The following RALGAPA2 variants were observed in gnomAD, a reference collection of about 807,000 sequenced individuals.
RALGAPA2 encodes the protein ral GTPase-activating protein subunit alpha-2.
A neutral mutation model predicts 230.4 loss-of-function variants in RALGAPA2; 139 were observed. The ratio of observed to expected loss-of-function variants is 0.60; its 90% CI spans 0.53 to 0.69. The LOEUF (loss-of-function observed/expected upper bound fraction) is 0.69, where lower values mean the gene tolerates loss of function less well. Ranked by LOEUF, RALGAPA2 falls within the 30% of genes least tolerant of loss-of-function variation. RALGAPA2 has a pLI of 0.00. For synonymous variants in RALGAPA2, 847 were observed against 837.8 expected (o/e 1.01, Z -0.19); for missense variants, 2,163 against 2,276.0 (o/e 0.95, Z 1.01).
intron 3 of RALGAPA2, among the ~76,000 whole-genome samples, chr20:20,670,760 C>T (rs1315024699): frequency 4.0e-5 from 6 of 151,748 alleles, no homozygotes; most frequent in Non-Finnish European, 7.4e-5. Context: ...CCAGCCTGGC[C>T]AACATGGTGA....
intron 3 of RALGAPA2, among the ~76,000 whole-genome samples, chr20:20,658,884 A>G (rs1001076091): frequency 1.3e-5 from 2 of 152,358 alleles, no homozygotes; most frequent in Non-Finnish European, 2.9e-5. Context: ...CTTGATTTCA[A>G]TTCCACTTAG....
intron 16 of RALGAPA2, among the ~76,000 whole-genome samples, chr20:20,592,563 T>A (rs1032261768): frequency 6.6e-6 from 1 of 152,170 alleles, no homozygotes; most frequent in Non-Finnish European, 1.5e-5. Context: ...TCATGAAACT[T>A]TACATCCACA....
chr20:20,561,146 C>T (rs2064245314), intron 23 of RALGAPA2, among the ~76,000 whole-genome samples: 1 of 152,204 alleles, frequency 6.6e-6, no homozygotes, highest in South Asian at 2.1e-4. Context: ...GGCTTACAAA[C>T]ACAGAACCTA....
chr20:20,628,833 T>A (rs1456659927), intron 10 of RALGAPA2, among the ~76,000 whole-genome samples: 1 of 152,176 alleles, frequency 6.6e-6, no homozygotes. Flanking sequence ...CCTCTTTTCG[T>A]GTCTTGGCCT....
chr20:20,612,391 A>G (rs1321515478), intron 13 of RALGAPA2, among the ~76,000 whole-genome samples: 1 of 152,218 alleles, frequency 6.6e-6, no homozygotes, highest in Admixed American at 6.5e-5. Context: ...GCTCTTTAGT[A>G]ATAAAACTGA....
chr20:20,478,117 G>C (rs1233775919), intron 36 of RALGAPA2, among the ~76,000 whole-genome samples: 1 of 152,100 alleles, frequency 6.6e-6, no homozygotes, highest in East Asian at 1.9e-4. Context: ...AAGGATAATT[G>C]GCACAAACCT....
At chr20:20,661,569 G>A (rs77834379) in intron 3 of RALGAPA2, among the ~76,000 whole-genome samples, 2,478 of 152,234 alleles carry the variant, frequency 0.016, 94 homozygotes, top group East Asian at 0.14. Context: ...AAATTACAAA[G>A]CATATTCCAT....
chr20:20,686,377 C>CTTTTGTAAAAA (rs2068698747), intron 1 of RALGAPA2, among the ~76,000 whole-genome samples: 1 of 152,098 alleles, frequency 6.6e-6, no homozygotes, highest in Non-Finnish European at 1.5e-5. Flanking sequence ...GAAATCCCAA[C>CTTTTGTAAAAA]TCTACTAAAA....
intron 24 of RALGAPA2, among the ~76,000 whole-genome samples, chr20:20,542,456 A>G (rs1390243908): frequency 6.6e-6 from 1 of 152,198 alleles, no homozygotes; most frequent in Admixed American, 6.5e-5. Flanking sequence ...AGCCAAGACA[A>G]TCCTAAGCAA....
Position 20,648,042 on chromosome 20 carries a change from G to A in RALGAPA2, c.329-4493C>T, listed in dbSNP as rs2067273707. Among the ~76,000 whole-genome samples the A allele has an allele frequency of 2.0e-5, 3 of 152,266 alleles. No homozygotes were observed. In the South Asian group the frequency reaches 6.2e-4, roughly 32 times the overall value. The stretch of plus-strand genomic sequence containing the variant: ...ACAAAGACGAGCATAAATGTTTATA[G>A]TAGCTTTACTTATAATAGCCCCAGA... On this transcript the variant is annotated intron_variant, in intron 4 of 39. Coordinates refer to ENST00000202677, the MANE Select transcript of RALGAPA2 (RefSeq NM_020343.4).
At chr20:20,565,551 G>A (rs912175014) in intron 23 of RALGAPA2, among the ~76,000 whole-genome samples, 1 of 152,172 alleles carries the variant, frequency 6.6e-6, no homozygotes, top group African/African-American at 2.4e-5. Flanking sequence ...TACCTCATGA[G>A]AGGGGGTTGT....
At chr20:20,498,182 G>A (rs2062268044) in intron 35 of RALGAPA2, among the ~76,000 whole-genome samples, 1 of 152,134 alleles carries the variant, frequency 6.6e-6, no homozygotes, top group South Asian at 2.1e-4. Context: ...CCATCAGTGA[G>A]TTCGGTGAGT....
In RALGAPA2 at chr20:20,499,477, C is replaced by A. The variant is rs181908955; in HGVS notation, c.5208+3874G>T. ...AGCAGAAACAATTTACAATGTACTG[C>A]AAATAAAAAAGATGTGTGAGCCCAG... is the stretch of plus-strand genomic sequence containing the variant. On this transcript the variant is annotated intron_variant, in intron 35 of 39. Transcript: ENST00000202677. Among the ~76,000 whole-genome samples the A allele has an allele frequency of 4.9e-3, 751 of 152,152 alleles. 6 individuals carry two copies. Among genetic ancestry groups the A allele is most frequent in the African/African-American group, 0.017 (716 of 41,502 alleles).
chr20:20,559,635 A>C (rs745460687), intron 23 of RALGAPA2, among the ~76,000 whole-genome samples: 15 of 152,130 alleles, frequency 9.9e-5, no homozygotes, highest in Admixed American at 4.6e-4. Flanking sequence ...TAATGTACAT[A>C]TAACAAAACT....
intron 1 of RALGAPA2, among the ~76,000 whole-genome samples, chr20:20,693,932 C>T (rs913559989): frequency 4.6e-5 from 7 of 151,998 alleles, no homozygotes; most frequent in African/African-American, 1.7e-4. Context: ...GGTGAAACCC[C>T]ATCTCTACAA....
chr20:20,488,961 C>T (rs2061981718), intron 36 of RALGAPA2, among the ~76,000 whole-genome samples: 1 of 152,122 alleles, frequency 6.6e-6, no homozygotes, highest in African/African-American at 2.4e-5. Context: ...ATCTGTTGCT[C>T]CTTTCGACAT....
At chr20:20,522,713 C>T (rs2145462869) in intron 30 of RALGAPA2, among the ~76,000 whole-genome samples, 1 of 152,260 alleles carries the variant, frequency 6.6e-6, no homozygotes, top group East Asian at 1.9e-4. Flanking sequence ...GCATATTATA[C>T]TTCAATAAAA....
intron 37 of RALGAPA2, among the ~76,000 whole-genome samples, chr20:20,421,921 A>G (rs1041187175): frequency 1.3e-5 from 2 of 152,220 alleles, no homozygotes; most frequent in African/African-American, 2.4e-5. Flanking sequence ...AAAATGTAAT[A>G]TAACATATAA....
chr20:20,670,507 G>C (rs1213554065), intron 3 of RALGAPA2, among the ~76,000 whole-genome samples: 1 of 152,176 alleles, frequency 6.6e-6, no homozygotes, highest in Non-Finnish European at 1.5e-5. Flanking sequence ...AAAACATGTA[G>C]ATTCCGGTTA....
Sources: allele counts gnomAD v4.1 joint callset (sites outside exome capture counted in the v4.1 genomes callset), GRCh38; gene constraint gnomAD v4.1.1; transcripts MANE v1.5; gene names NCBI Gene and HGNC (gene_info 2026-07-23, HGNC 2026-07-21).